Variants in SMG6 observed in about 807,000 individuals in gnomAD.
SMG6 encodes the protein SMG6 nonsense mediated mRNA decay factor.
Under a neutral mutation model 142.2 loss-of-function variants are expected in SMG6, and 66 were observed. The ratio of observed to expected loss-of-function variants is 0.46; its 90% confidence interval spans 0.38 to 0.57. The LOEUF (loss-of-function observed/expected upper bound fraction) is 0.57, where lower values mean the gene tolerates loss of function less well. Among genes scored for constraint, SMG6 ranks in the 20% least tolerant of loss-of-function variants. The pLI is 0.00. For missense variants in SMG6, 1,793 were observed against 1,832.0 expected, an observed-to-expected ratio of 0.98 and a Z score of 0.39; for synonymous variants, 779 against 702.4, an observed-to-expected ratio of 1.11 and a Z score of -1.72.
chr17:2,125,232 A>G (rs779092122), intron 13 of SMG6, among the ~76,000 whole-genome samples: 16 of 152,208 alleles, frequency 1.1e-4, no homozygotes, highest in Non-Finnish European at 2.2e-4. Context: ...TAGCCCTCTC[A>G]TATCTCCGAG....
chr17:2,222,447 G>C (rs2151770498), intron 10 of SMG6, among the ~76,000 whole-genome samples: 1 of 150,596 alleles, frequency 6.6e-6, no homozygotes, highest in African/African-American at 2.4e-5. Flanking sequence ...AGAGTCCCCA[G>C]CTTAGCAGAG....
intron 12 of SMG6, among the ~76,000 whole-genome samples, chr17:2,174,597 C>T (rs1396005082): frequency 6.6e-6 from 1 of 152,158 alleles, no homozygotes; most frequent in Non-Finnish European, 1.5e-5. Flanking sequence ...AATCAACACA[C>T]GTGTACTGCA....
At chr17:2,258,054 C>CATATATATAT (rs1298681965) in intron 8 of SMG6, among the ~76,000 whole-genome samples, 1 of 98,044 alleles carries the variant, frequency 1.0e-5, no homozygotes, top group Non-Finnish European at 2.3e-5. Flanking sequence ...CACACACACA[C>CATATATATAT]ACACACACAC....
At chr17:2,083,036 G>A (rs1025969746) in intron 14 of SMG6, among the ~76,000 whole-genome samples, 1 of 152,144 alleles carries the variant, frequency 6.6e-6, no homozygotes, top group African/African-American at 2.4e-5. Flanking sequence ...TCAACACCTC[G>A]CTCAGGGTCA....
At chr17:2,236,399 G>GAGGT in intron 10 of SMG6, 93 bp downstream of exon 10, 1 of 1,295,140 alleles carries the variant, frequency 7.7e-7, no homozygotes, top group Non-Finnish European at 1.1e-6. Context: ...GGGGTGGGGG[G>GAGGT]AGGTAGGTAT....
In SMG6 at chr17:2,172,749, A is replaced by C. The variant is rs777757673; in HGVS notation, c.3266T>G (p.Leu1089Arg). The part of the protein sequence containing the change: ...YKDPDDDLTL[L>R]ILEEDRLLSG... ...GAGAAGCCGATCCTCTTCCAGGATA[A>C]GAAGGGTGAGGTCATCATCCGGGTC... The change falls in exon 13 of 19, where the codon CTT (leucine) becomes CGT (arginine). Residue 1089 changes from leucine (L) to arginine (R), a missense_variant. This residue lies in a region of SMG6 where 1,597 missense variants were observed against 1,584.6 expected (regional missense o/e 1.01). Transcript: ENST00000263073. The C allele has an allele frequency of 6.2e-7, 1 of 1,614,196 alleles. No individual in the cohort carries two copies. The highest frequency in any genetic ancestry group is 1.7e-5 in the Admixed American group (1 of 60,026).
At chr17:2,076,137 AC>A (rs944925053) in intron 15 of SMG6, among the ~76,000 whole-genome samples, 1 of 151,776 alleles carries the variant, frequency 6.6e-6, no homozygotes, top group African/African-American at 2.4e-5. Flanking sequence ...ATTTTTTTCA[AC>A]CCCATCTTCA....
At chr17:2,240,109 G>C (rs1433988026) in intron 9 of SMG6, 3 of 152,334 alleles carry the variant, frequency 2.0e-5, no homozygotes, top group Non-Finnish European at 4.4e-5. Flanking sequence ...AATCCGAGAT[G>C]ACTCTGTCCC....
At chr17:2,065,360 G>T in intron 17 of SMG6, 108 bp downstream of exon 17, 1 of 1,169,622 alleles carries the variant, frequency 8.5e-7, no homozygotes, top group Non-Finnish European at 1.2e-6. Flanking sequence ...CTCCATGGTG[G>T]CTGGCCCTCA....
At chr17:2,090,669 C>T (rs950320411) in intron 13 of SMG6, among the ~76,000 whole-genome samples, 2 of 152,188 alleles carry the variant, frequency 1.3e-5, no homozygotes, top group Non-Finnish European at 2.9e-5. Flanking sequence ...GTACTATCAG[C>T]CAGTTCTTTT....
At chr17:2,249,101 G>T (rs1217061132) in intron 8 of SMG6, among the ~76,000 whole-genome samples, 1 of 151,382 alleles carries the variant, frequency 6.6e-6, no homozygotes. Context: ...CACCGTGTTA[G>T]CCAGGATGGT....
At chr17:2,112,755 CTTT>C (rs1189843396) in intron 13 of SMG6, among the ~76,000 whole-genome samples, 5 of 130,196 alleles carry the variant, frequency 3.8e-5, no homozygotes, top group African/African-American at 8.5e-5. Flanking sequence ...GAGCTCCAAA[CTTT>C]TTTTTTTTTT....
At chr17:2,100,363 G>A (rs1017029626) in intron 13 of SMG6, among the ~76,000 whole-genome samples, 1 of 151,918 alleles carries the variant, frequency 6.6e-6, no homozygotes, top group African/African-American at 2.4e-5. Context: ...TTTAGAGATG[G>A]GTTTTCACCA....
chr17:2,202,230 T>C (rs918939193), intron 10 of SMG6, among the ~76,000 whole-genome samples: 2 of 152,104 alleles, frequency 1.3e-5, no homozygotes, highest in African/African-American at 4.8e-5. Context: ...GTGAGGACTA[T>C]TCAACAATAA....
Position 2,187,779 on chromosome 17 carries a change from T to C in SMG6, c.2986+620A>G, listed in dbSNP as rs535534862. Among the ~76,000 whole-genome samples the C allele has an allele frequency of 2.0e-5, 3 of 151,366 alleles. No individual in the cohort carries two copies. The South Asian group carries it at 6.3e-4, about 32-fold the overall frequency. ...AAGGCAGCCTCCGAAGCTGGAGGCA[T>C]TCACAAAGCTGGTGCGGCATGGGGT... On this transcript the variant is annotated intron_variant, in intron 11 of 18. Transcript: ENST00000263073.
chr17:2,264,016 A>C (rs2074370866), intron 8 of SMG6, among the ~76,000 whole-genome samples: 1 of 152,180 alleles, frequency 6.6e-6, no homozygotes, highest in Admixed American at 6.5e-5. Flanking sequence ...GAAAAACATA[A>C]AGGGTAGTGC....
intron 13 of SMG6, among the ~76,000 whole-genome samples, chr17:2,144,048 G>GC (rs2070578025): frequency 8.9e-6 from 1 of 111,926 alleles, no homozygotes; most frequent in Non-Finnish European, 1.7e-5. Context: ...CACCACGGCC[G>GC]CTTTTTTTTT....
At chr17:2,066,724 G>A (rs1333343766) in intron 16 of SMG6, among the ~76,000 whole-genome samples, 3 of 148,164 alleles carry the variant, frequency 2.0e-5, no homozygotes, top group Non-Finnish European at 4.5e-5. Context: ...CCCTGAGGCT[G>A]CAGTGTCCAC....
In SMG6 at chr17:2,193,168, T is replaced by C. The variant is rs143353054; in HGVS notation, c.2870-4653A>G. 6.2e-4 allele frequency among the ~76,000 whole-genome samples: 94 copies of C among 152,274 alleles called. 1 individual carries two copies. Among genetic ancestry groups the C allele is most frequent in the African/African-American group, 2.1e-3 (87 of 41,554 alleles). On this transcript the variant is annotated intron_variant, in intron 10 of 18. Coordinates refer to ENST00000263073, the MANE Select transcript of SMG6 (RefSeq NM_017575.5). ...ATGGCAGGGTGGATCCCTCAGGGCT[T>C]GGGTGCTGTCTATGTGGTAGTGGCT...
Sources: gnomAD v4.1 joint callset for allele counts (sites outside exome capture counted in the v4.1 genomes callset) on GRCh38, gnomAD v4.1.1 for gene constraint, gnomAD v4.1.1 regional missense constraint, MANE v1.5 for transcripts, NCBI Gene and HGNC (gene_info 2026-07-23, HGNC 2026-07-21) for gene names.